PDE7B: variants seen among roughly 807,000 people sequenced by gnomAD.
PDE7B encodes phosphodiesterase 7B, also known as 3',5'-cyclic-AMP phosphodiesterase 7B.
PDE7B carries 29 observed loss-of-function variants against 56.2 expected under a neutral mutation model. The ratio of observed to expected loss-of-function variants is 0.52; its 90% CI spans 0.38 to 0.70. The LOEUF is 0.70. Among genes scored for constraint, PDE7B ranks in the 30% least tolerant of loss-of-function variants. PDE7B has a pLI of 0.00. For missense variants in PDE7B, 490 were observed against 565.0 expected, an observed-to-expected ratio of 0.87 and a Z score of 1.35; for synonymous variants, 197 against 196.9, an observed-to-expected ratio of 1.00 and a Z score of 0.00.
chr6:135,870,878 G>A (rs150600283), intron 1 of PDE7B, among the ~76,000 whole-genome samples: 77 of 152,286 alleles, frequency 5.1e-4, no homozygotes, highest in Admixed American at 3.1e-3. Context: ...GAAGCGTGGG[G>A]AGGTTGGGAA....
chr6:136,061,059 G>C (rs527297793), intron 2 of PDE7B, among the ~76,000 whole-genome samples: 13 of 152,020 alleles, frequency 8.6e-5, no homozygotes, highest in East Asian at 7.7e-4. Flanking sequence ...TATGAAGTTG[G>C]CTGGCACCCT....
rs546206030 is a variant in PDE7B at position 136,166,809 on chromosome 6, T to C, written c.712-6988T>C. The stretch of plus-strand genomic sequence containing the variant: ...TCCCCTTACCCCTACCAAAGTCTGT[T>C]GTCAACATACACCAAAAGTGGCCTT... On this transcript the variant is annotated intron_variant, in intron 8 of 12. Transcript: ENST00000308191. 2.6e-5 allele frequency among the ~76,000 whole-genome samples: 4 copies of C among 152,270 alleles called. No individual in the cohort carries two copies. The East Asian group carries it at 7.7e-4, about 29-fold the overall frequency.
rs575647922 is a variant in PDE7B, at chr6:135,895,541, T to C, written c.21+43522T>C. On this transcript the variant is annotated intron_variant, in intron 1 of 12. Coordinates refer to ENST00000308191, the MANE Select transcript of PDE7B (RefSeq NM_018945.4). ...CAACATCCCCACCAAAAAAGTCCTT[T>C]TTCCAATGTAAGTTCAGTGCTGGTC... Among the ~76,000 whole-genome samples the C allele has an allele frequency of 3.9e-5, 6 of 152,254 alleles. No individual in the cohort carries two copies. The South Asian group carries it at 1.2e-3, about 32-fold the overall frequency.
At chr6:136,140,684 C>T (rs1778307305) in intron 3 of PDE7B, among the ~76,000 whole-genome samples, 1 of 152,186 alleles carries the variant, frequency 6.6e-6, no homozygotes, top group African/African-American at 2.4e-5. Flanking sequence ...AGGTCCTTCA[C>T]ATCCCTTGTA....
At chr6:136,000,035 A>G (rs1174186669) in intron 2 of PDE7B, among the ~76,000 whole-genome samples, 3 of 152,048 alleles carry the variant, frequency 2.0e-5, no homozygotes, top group Non-Finnish European at 2.9e-5. Context: ...CTTTTTGGCC[A>G]CATGTATGTC....
Position 135,851,712 on chromosome 6 carries a change from G to A in PDE7B, c.-287G>A. On this transcript the variant is annotated 5_prime_UTR_variant, in exon 1 of 13. Transcript: ENST00000308191. The stretch of plus-strand genomic sequence containing the variant: ...TCACCCAGCCAGTCAGTTGGTCTGG[G>A]CACTGCAGCAGGCTCGGCTCTGTCC... 1 of 366,628 alleles carries A rather than the reference G, an allele frequency of 2.7e-6. No homozygotes were observed. The highest frequency in any genetic ancestry group is 4.9e-6 in the Non-Finnish European group (1 of 203,874). 22.7% of individuals were successfully genotyped at this position (366,628 alleles called of 1,614,324 possible). A position where few individuals can be genotyped will look rare whatever the true frequency, so the allele number is the denominator to read the frequency against.
intron 1 of PDE7B, among the ~76,000 whole-genome samples, chr6:135,943,048 C>T (rs1774533142): frequency 6.6e-6 from 1 of 152,140 alleles, no homozygotes; most frequent in African/African-American, 2.4e-5. Context: ...TAGCAACCAA[C>T]TTGTGAAATG....
intron 3 of PDE7B, among the ~76,000 whole-genome samples, chr6:136,138,181 G>A (rs775274418): frequency 3.9e-5 from 6 of 152,060 alleles, no homozygotes; most frequent in Non-Finnish European, 1.5e-5. Context: ...AATTTAGCGA[G>A]CTATCTGTAA....
intron 2 of PDE7B, chr6:136,046,486 A>C (rs1222542738): frequency 1.3e-5 from 2 of 152,204 alleles, no homozygotes; most frequent in Non-Finnish European, 2.9e-5. Flanking sequence ...CTCCTCTCCA[A>C]GTTGGCATCT....
intron 1 of PDE7B, among the ~76,000 whole-genome samples, chr6:135,893,701 G>A (rs1431844563): frequency 1.3e-5 from 2 of 152,104 alleles, no homozygotes; most frequent in East Asian, 3.9e-4. Context: ...CTGCTATAAA[G>A]GAGCCTTTCT....
At chr6:136,003,442 A>T (rs1043867218) in intron 2 of PDE7B, among the ~76,000 whole-genome samples, 1 of 152,204 alleles carries the variant, frequency 6.6e-6, no homozygotes, top group Non-Finnish European at 1.5e-5. Context: ...CAACAAAATC[A>T]GTAGACTGCT....
Position 135,980,046 on chromosome 6 carries a change from C to T in PDE7B, c.82+32522C>T, listed in dbSNP as rs369481659. ...TGCTGCCTAACTTCAAACTATACTA[C>T]AAGGCTACAGTAACCAAAACAGCAT... On this transcript the variant is annotated intron_variant, in intron 2 of 12. Transcript: ENST00000308191. 5.9e-5 allele frequency among the ~76,000 whole-genome samples: 9 copies of T among 152,236 alleles called. No homozygotes were observed. The East Asian group carries it at 1.4e-3, about 23-fold the overall frequency.
At chr6:136,148,481 G>GCAGGCAGGCAGGCAGT (rs1435491752) in intron 4 of PDE7B, among the ~76,000 whole-genome samples, 1 of 151,192 alleles carries the variant, frequency 6.6e-6, no homozygotes, top group African/African-American at 2.4e-5. Flanking sequence ...AGGCAGGCAG[G>GCAGGCAGGCAGGCAGT]CAGGCAGGCA....
intron 2 of PDE7B, among the ~76,000 whole-genome samples, chr6:136,048,085 T>TAGACAGACAGAC (rs1462650312): frequency 1.9e-4 from 26 of 134,942 alleles, no homozygotes; most frequent in African/African-American, 6.2e-4. Flanking sequence ...GATGGATAGA[T>TAGACAGACAGAC]AGATAGACAG....
intron 2 of PDE7B, among the ~76,000 whole-genome samples, chr6:136,085,152 T>C (rs1777270945): frequency 6.6e-6 from 1 of 152,214 alleles, no homozygotes; most frequent in South Asian, 2.1e-4. Flanking sequence ...TTGTATTAGA[T>C]ACATTTAAGA....
intron 2 of PDE7B, among the ~76,000 whole-genome samples, chr6:135,969,126 G>T (rs1775049639): frequency 6.6e-6 from 1 of 152,046 alleles, no homozygotes; most frequent in South Asian, 2.1e-4. Context: ...ACACACATTG[G>T]GGCCTGTGGT....
intron 3 of PDE7B, among the ~76,000 whole-genome samples, chr6:136,140,530 C>T: frequency 6.6e-6 from 1 of 152,200 alleles, no homozygotes; most frequent in East Asian, 1.9e-4. Flanking sequence ...AGCTTGATGG[C>T]AATGGCATTG....
intron 2 of PDE7B, among the ~76,000 whole-genome samples, chr6:136,028,156 C>T (rs1040067694): frequency 4.6e-5 from 7 of 152,198 alleles, no homozygotes; most frequent in African/African-American, 9.6e-5. Context: ...GAATTAAGGG[C>T]GCAGCACTGA....
At chr6:136,058,925 C>G (rs1226587335) in intron 2 of PDE7B, among the ~76,000 whole-genome samples, 6 of 151,992 alleles carry the variant, frequency 3.9e-5, no homozygotes, top group Non-Finnish European at 8.8e-5. Context: ...GAAAGTAAGC[C>G]TTTTAGGTTC....
Sources: gnomAD v4.1 joint callset for allele counts (sites outside exome capture counted in the v4.1 genomes callset) on GRCh38, gnomAD v4.1.1 for gene constraint, MANE v1.5 for transcripts, NCBI Gene and HGNC (gene_info 2026-07-23, HGNC 2026-07-21) for gene names.